TMEM132D: variants seen among roughly 807,000 people sequenced by gnomAD.
TMEM132D encodes the protein transmembrane protein 132D.
In TMEM132D, 21 loss-of-function variants were observed where a neutral mutation model predicts 62.3. The observed-to-expected ratio is 0.34, with a 90% CI of 0.24 to 0.49. TMEM132D has a LOEUF of 0.49. Among genes scored for constraint, TMEM132D ranks in the 20% least tolerant of loss-of-function variants. The probability of loss-of-function intolerance (pLI) is 0.99; values close to 1 mark genes in which losing one functional copy is unlikely to be tolerated. For missense variants in TMEM132D, 1,346 were observed against 1,402.8 expected (o/e 0.96, Z 0.65); for synonymous variants, 621 against 575.6 (o/e 1.08, Z -1.13).
chr12:129,660,246 T>C (rs1880201838), intron 2 of TMEM132D, among the ~76,000 whole-genome samples: 1 of 152,132 alleles, frequency 6.6e-6, no homozygotes, highest in African/African-American at 2.4e-5. Flanking sequence ...GGAAGGCAAT[T>C]CATTTTGTAA....
intron 3 of TMEM132D, among the ~76,000 whole-genome samples, chr12:129,525,099 T>C (rs1165945227): frequency 2.0e-5 from 3 of 149,768 alleles, no homozygotes; most frequent in Non-Finnish European, 4.4e-5. Flanking sequence ...CTAATTTATT[T>C]GTATTTTAGT....
At chr12:129,890,095 A>C (rs1874872603) in intron 1 of TMEM132D, among the ~76,000 whole-genome samples, 1 of 152,228 alleles carries the variant, frequency 6.6e-6, no homozygotes, top group South Asian at 2.1e-4. Context: ...GAAGATTGGC[A>C]CACAGAACAC....
At chr12:129,763,199 T>A (rs1338713402) in intron 1 of TMEM132D, among the ~76,000 whole-genome samples, 2 of 152,162 alleles carry the variant, frequency 1.3e-5, no homozygotes, top group African/African-American at 4.8e-5. Flanking sequence ...CATCTCGGTC[T>A]CCCGAATAGC....
chr12:129,893,835 G>A (rs1254308556), intron 1 of TMEM132D, among the ~76,000 whole-genome samples: 1 of 152,208 alleles, frequency 6.6e-6, no homozygotes, highest in Admixed American at 6.5e-5. Flanking sequence ...ACCACACCTG[G>A]TCCTGCCTTG....
chr12:129,153,790 G>T (rs1261040555), intron 5 of TMEM132D, among the ~76,000 whole-genome samples: 1 of 152,106 alleles, frequency 6.6e-6, no homozygotes, highest in South Asian at 2.1e-4. Flanking sequence ...GATTGCAATG[G>T]CTTGCTGGGG....
chr12:129,159,007 A>G (rs1485161627), intron 5 of TMEM132D, among the ~76,000 whole-genome samples: 2 of 152,076 alleles, frequency 1.3e-5, no homozygotes, highest in Non-Finnish European at 2.9e-5. Context: ...GGGAGAAACC[A>G]CCTCCATTAT....
rs879625237 is a variant in TMEM132D, at chr12:129,867,323, A to C, written c.79+35938T>G. Reference sequence around the variant, plus strand: ...AACAATATATACATGACACTGAAAGACACGAAGTTAAGTGAAATAAGCCAG... The same window carrying C: ...AACAATATATACATGACACTGAAAGCCACGAAGTTAAGTGAAATAAGCCAG... On this transcript the variant is annotated intron_variant, in intron 1 of 8. Coordinates refer to ENST00000422113, the MANE Select transcript of TMEM132D (RefSeq NM_133448.3). The surrounding 1 kb of genome is among the most constrained non-coding windows in gnomAD (Gnocchi z 4.5). 3.3e-5 allele frequency among the ~76,000 whole-genome samples: 5 copies of C among 152,044 alleles called. No individual in the cohort carries two copies. The highest frequency in any genetic ancestry group is 7.4e-5 in the Non-Finnish European group (5 of 68,008).
At chr12:129,293,193 C>T (rs976951332) in intron 4 of TMEM132D, among the ~76,000 whole-genome samples, 4 of 152,068 alleles carry the variant, frequency 2.6e-5, no homozygotes, top group African/African-American at 7.2e-5. Flanking sequence ...AGGAGTATTG[C>T]AGAAGTAGCC....
At chr12:129,502,450 C>T (rs1321155563) in intron 3 of TMEM132D, among the ~76,000 whole-genome samples, 1 of 152,114 alleles carries the variant, frequency 6.6e-6, no homozygotes, top group African/African-American at 2.4e-5. Flanking sequence ...ATGGCAGAAG[C>T]CCAGCGTCAA....
At chr12:129,760,144 C>G (rs1038262872) in intron 1 of TMEM132D, among the ~76,000 whole-genome samples, 1 of 151,976 alleles carries the variant, frequency 6.6e-6, no homozygotes, top group Non-Finnish European at 1.5e-5. Context: ...TGGGCTCAAG[C>G]AATCCTTCTG....
chr12:129,725,009 C>T (rs1565963106), intron 1 of TMEM132D, among the ~76,000 whole-genome samples: 1 of 152,182 alleles, frequency 6.6e-6, no homozygotes. Flanking sequence ...GGCCTGGCCC[C>T]AGAGCCCCTG....
At position 129,777,120 on chromosome 12, in the gene TMEM132D, C is replaced by T. The variant is rs142303375; in HGVS notation, c.80-76422G>A. ...AAACCTTCCCCAGGGCAAAGTGCCA[C>T]TTGTGATGTTTGTTACTGTTATTTC... On this transcript the variant is annotated intron_variant, in intron 1 of 8. Transcript: ENST00000422113. Among the ~76,000 whole-genome samples the T allele has an allele frequency of 5.0e-3, 756 of 152,304 alleles. 11 individuals are homozygous for T. Among genetic ancestry groups the T allele is most frequent in the African/African-American group, 0.017 (704 of 41,568 alleles).
chr12:129,825,875 C>T (rs932238521), intron 1 of TMEM132D, among the ~76,000 whole-genome samples: 2 of 152,042 alleles, frequency 1.3e-5, no homozygotes, highest in East Asian at 3.9e-4. Flanking sequence ...ACCAGCCTGG[C>T]CAACACAGCA....
chr12:129,314,870 T>G (rs199967591), intron 4 of TMEM132D, among the ~76,000 whole-genome samples: 1 of 151,940 alleles, frequency 6.6e-6, no homozygotes, highest in Non-Finnish European at 1.5e-5. Context: ...GTTATTTATT[T>G]ATTTATTTAT....
intron 2 of TMEM132D, among the ~76,000 whole-genome samples, chr12:129,656,521 C>G (rs1006561313): frequency 6.6e-6 from 1 of 152,002 alleles, no homozygotes; most frequent in Non-Finnish European, 1.5e-5. Flanking sequence ...AGGACTCTAG[C>G]CTCATAGTCT....
At chr12:129,227,302 T>A (rs1438878718) in intron 4 of TMEM132D, among the ~76,000 whole-genome samples, 2 of 111,860 alleles carry the variant, frequency 1.8e-5, no homozygotes, top group Non-Finnish European at 3.4e-5. Context: ...CGTTAGGAAA[T>A]ATATATATAT....
At chr12:129,337,441 G>GCACACGCACACACACA (rs1555248619) in intron 4 of TMEM132D, among the ~76,000 whole-genome samples, 193 bp downstream of exon 4, 4 of 148,112 alleles carry the variant, frequency 2.7e-5, no homozygotes, top group Non-Finnish European at 6.0e-5. Flanking sequence ...ATACACACAC[G>GCACACGCACACACACA]CACACACACA....
intron 1 of TMEM132D, among the ~76,000 whole-genome samples, chr12:129,787,987 C>T (rs1298123146): frequency 6.6e-6 from 1 of 152,206 alleles, no homozygotes; most frequent in East Asian, 1.9e-4. Context: ...GTTAAACCTC[C>T]ACACTCAACC....
At chr12:129,887,655 T>C (rs1281367649) in intron 1 of TMEM132D, among the ~76,000 whole-genome samples, 1 of 152,138 alleles carries the variant, frequency 6.6e-6, no homozygotes, top group African/African-American at 2.4e-5. Flanking sequence ...CTTTAACACA[T>C]GCAAACAATT....
Sources: gnomAD v4.1 joint callset for allele counts (sites outside exome capture counted in the v4.1 genomes callset) on GRCh38, gnomAD v4.1.1 for gene constraint, Gnocchi (gnomAD v3.1) non-coding constraint, MANE v1.5 for transcripts, NCBI Gene and HGNC (gene_info 2026-07-23, HGNC 2026-07-21) for gene names.